TOM1L2: variants seen among roughly 807,000 people sequenced by gnomAD.
The protein encoded by TOM1L2 is target of myb1 like 2 membrane trafficking protein, also known as TOM1-like protein 2.
In TOM1L2, 31 loss-of-function variants were observed where a neutral mutation model predicts 67.9. The ratio of observed to expected loss-of-function variants is 0.46; its 90% CI spans 0.34 to 0.62. TOM1L2 has a LOEUF of 0.62. Among genes scored for constraint, TOM1L2 ranks in the 20% least tolerant of loss-of-function variants. TOM1L2 has a pLI of 0.01. For missense variants in TOM1L2, 606 were observed against 663.5 expected (o/e 0.91, Z 0.95); for synonymous variants, 256 against 254.0 (o/e 1.01, Z -0.07).
At chr17:17,861,798 T>C (rs188480751) in intron 11 of TOM1L2, 29 of 468,226 alleles carry the variant, frequency 6.2e-5, no homozygotes, top group Admixed American at 1.5e-4. Context: ...TCAGATTTTG[T>C]GCACCTCAAC....
At chr17:17,857,757 G>A (rs902432620) in intron 12 of TOM1L2, 2 of 1,535,394 alleles carry the variant, frequency 1.3e-6, no homozygotes, top group Admixed American at 2.0e-5. Context: ...GGCTCGGCTG[G>A]TGACTCCTCA....
chr17:17,933,429 C>A (rs942374040), intron 1 of TOM1L2, among the ~76,000 whole-genome samples: 2 of 152,106 alleles, frequency 1.3e-5, no homozygotes, highest in African/African-American at 2.4e-5. Flanking sequence ...AATCAGACTC[C>A]GTCAGAAAAG....
intron 3 of TOM1L2, among the ~76,000 whole-genome samples, chr17:17,897,237 T>G (rs530935930): frequency 6.6e-6 from 1 of 152,346 alleles, no homozygotes; most frequent in African/African-American, 2.4e-5. Context: ...TGGGCATCAC[T>G]CCTGGTTTAG....
chr17:17,942,034 AATG>A (rs2040755727), intron 1 of TOM1L2, among the ~76,000 whole-genome samples: 2 of 152,240 alleles, frequency 1.3e-5, no homozygotes, highest in Non-Finnish European at 2.9e-5. Context: ...TTTTTATTTG[AATG>A]TTCTGTTCTC....
chr17:17,865,825 A>G (rs1598211626), intron 10 of TOM1L2, among the ~76,000 whole-genome samples: 1 of 147,420 alleles, frequency 6.8e-6, no homozygotes, highest in Non-Finnish European at 1.5e-5. Flanking sequence ...GCTCACTGCA[A>G]CCTCCACCTC....
chr17:17,899,700 T>C (rs2038750319), intron 2 of TOM1L2, among the ~76,000 whole-genome samples: 1 of 152,252 alleles, frequency 6.6e-6, no homozygotes, highest in Admixed American at 6.5e-5. Flanking sequence ...AGTCCGGCTG[T>C]GGGCCAGCGC....
At chr17:17,891,568 C>T (rs868625985) in intron 4 of TOM1L2, among the ~76,000 whole-genome samples, 1 of 152,186 alleles carries the variant, frequency 6.6e-6, no homozygotes, top group South Asian at 2.1e-4. Flanking sequence ...GATAACTGTG[C>T]TTGCCATGCG....
chr17:17,942,228 T>A (rs1333217558), intron 1 of TOM1L2, among the ~76,000 whole-genome samples: 1 of 152,200 alleles, frequency 6.6e-6, no homozygotes, highest in Non-Finnish European at 1.5e-5. Flanking sequence ...ACGACCCTGA[T>A]CTGCCTGACC....
chr17:17,956,807 G>A (rs990012869), intron 1 of TOM1L2, among the ~76,000 whole-genome samples: 2 of 152,226 alleles, frequency 1.3e-5, no homozygotes, highest in Non-Finnish European at 2.9e-5. Context: ...AACTCGCGCT[G>A]GCCCGCAAGC....
At chr17:17,884,903 A>C in intron 4 of TOM1L2, 135 bp from the exon 5 acceptor site, 1 of 1,168,142 alleles carries the variant, frequency 8.6e-7, no homozygotes, top group Non-Finnish European at 1.2e-6. Context: ...GGCTAAACCT[A>C]TTCTGTTCCT....
chr17:17,946,137 G>A (rs1018526756), intron 1 of TOM1L2, among the ~76,000 whole-genome samples: 5 of 152,012 alleles, frequency 3.3e-5, no homozygotes, highest in African/African-American at 1.2e-4. Context: ...CTCAGCCTCC[G>A]AAAGTGCTGG....
chr17:17,871,086 C>T (rs911738336), intron 7 of TOM1L2, among the ~76,000 whole-genome samples: 5 of 152,162 alleles, frequency 3.3e-5, no homozygotes, highest in South Asian at 2.1e-4. Flanking sequence ...ATTCAGAGGC[C>T]GGGGCCAGGT....
At chr17:17,938,234 TGA>T (rs2144760777) in intron 1 of TOM1L2, among the ~76,000 whole-genome samples, 1 of 152,264 alleles carries the variant, frequency 6.6e-6, no homozygotes, top group East Asian at 1.9e-4. Context: ...GTGCTGCCTA[TGA>T]GATAATGAGT....
intron 1 of TOM1L2, among the ~76,000 whole-genome samples, chr17:17,935,665 T>C (rs552935115): frequency 3.3e-5 from 5 of 152,286 alleles, no homozygotes; most frequent in Admixed American, 1.3e-4. Flanking sequence ...TGGGATCCAA[T>C]GCAAAGCTGA....
chr17:17,971,085 G>A (rs898086962), intron 1 of TOM1L2, among the ~76,000 whole-genome samples: 3 of 152,062 alleles, frequency 2.0e-5, no homozygotes, highest in Non-Finnish European at 4.4e-5. Context: ...GTGTCCCCAG[G>A]TGTCCACATC....
Position 17,861,571 on chromosome 17 carries a change from ACAAG to A in TOM1L2, c.1203-24_1203-21del. The A allele has an allele frequency of 6.2e-7, 1 of 1,612,898 alleles. No homozygotes were observed. The highest frequency in any genetic ancestry group is 8.5e-7 in the Non-Finnish European group (1 of 1,179,040). On this transcript the variant is annotated intron_variant, in intron 11 of 14. Transcript: ENST00000379504. ...GTTACCCTGGAGATGAAGAAGCAGC[ACAAG>A]CAGAGTTCATTTTCCTCCAGTGGTC...
chr17:17,896,119 T>C (rs572890490), intron 3 of TOM1L2, among the ~76,000 whole-genome samples: 4 of 152,164 alleles, frequency 2.6e-5, no homozygotes, highest in African/African-American at 4.8e-5. Context: ...CGTGAGGTAA[T>C]TGGCATTCAC....
rs1568081821 is a variant in TOM1L2, at chr17:17,861,505, G to A, written c.1249C>T (p.Leu417=). 6.2e-7 allele frequency: 1 copy of A among 1,614,128 alleles called. No homozygotes were observed. Among genetic ancestry groups the A allele is most frequent in the East Asian group, 2.2e-5 (1 of 44,888 alleles). ...PQAVGGLASA[L]DNRKQSSEGI... is the part of the protein sequence containing the mutation. ...TCTGAACTCTGTTTTCGATTGTCTA[G>A]TGCAGAAGCAAGTCCTCCGACAGCC... The change falls in exon 12 of 15, where the codon CTA becomes TTA. Residue 417 remains leucine (L), a synonymous_variant. Coordinates refer to ENST00000379504, the MANE Select transcript of TOM1L2 (RefSeq NM_001082968.2).
At chr17:17,852,798 G>A (rs1325069512) in intron 12 of TOM1L2, among the ~76,000 whole-genome samples, 1 of 145,862 alleles carries the variant, frequency 6.9e-6, no homozygotes, top group Admixed American at 7.1e-5. Flanking sequence ...CTGGGAGGCA[G>A]AGGTTGCAGT....
Sources: allele counts gnomAD v4.1 joint callset (sites outside exome capture counted in the v4.1 genomes callset), GRCh38; gene constraint gnomAD v4.1.1; transcripts MANE v1.5; gene names NCBI Gene and HGNC (gene_info 2026-07-23, HGNC 2026-07-21).